The following NRP1 variants were observed in gnomAD, a reference collection of about 807,000 sequenced individuals.
The protein encoded by NRP1 is neuropilin 1.
A neutral mutation model predicts 106.7 loss-of-function variants in NRP1; 35 were observed. The ratio of observed to expected loss-of-function variants is 0.33; its 90% confidence interval spans 0.25 to 0.43. NRP1 has a LOEUF of 0.43. Among genes scored for constraint, NRP1 ranks in the 20% least tolerant of loss-of-function variants. The pLI is 1.00. For synonymous variants in NRP1, 437 were observed against 417.9 expected, an observed-to-expected ratio of 1.05 and a Z score of -0.56; for missense variants, 1,024 against 1,170.4, an observed-to-expected ratio of 0.87 and a Z score of 1.83.
chr10:33,215,716 A>T (rs972025578), intron 8 of NRP1, among the ~76,000 whole-genome samples: 9 of 152,218 alleles, frequency 5.9e-5, no homozygotes, highest in African/African-American at 2.2e-4. Context: ...TTATCAGCTG[A>T]ACCTTAAGAA....
chr10:33,189,101 C>T (rs1026458063), intron 13 of NRP1, among the ~76,000 whole-genome samples: 19 of 150,930 alleles, frequency 1.3e-4, no homozygotes, highest in Non-Finnish European at 2.8e-4. Context: ...GCATCACCAA[C>T]TTAAGGTATA....
chr10:33,211,444 C>G (rs958184415), intron 9 of NRP1: 20 of 152,170 alleles, frequency 1.3e-4, no homozygotes, highest in African/African-American at 4.8e-4. Context: ...TTTCTTCCCC[C>G]CAAACAAGGC....
At chr10:33,264,572 C>T (rs1022453607) in intron 3 of NRP1, among the ~76,000 whole-genome samples, 14 of 152,176 alleles carry the variant, frequency 9.2e-5, no homozygotes, top group African/African-American at 1.7e-4. Flanking sequence ...CAGTATAGTA[C>T]GCCATTCTAA....
At chr10:33,212,910 A>G (rs1838423123) in intron 9 of NRP1, 1 of 308,924 alleles carries the variant, frequency 3.2e-6, no homozygotes, top group African/African-American at 2.1e-5. Context: ...AGCTCAGACA[A>G]TCCGCCCGAC....
At chr10:33,299,319 G>A (rs960745426) in intron 2 of NRP1, among the ~76,000 whole-genome samples, 3 of 152,062 alleles carry the variant, frequency 2.0e-5, no homozygotes, top group Admixed American at 6.6e-5. Context: ...AGCACTGCAG[G>A]CTGAGCACAA....
intron 2 of NRP1, among the ~76,000 whole-genome samples, chr10:33,291,479 A>G (rs540239639): frequency 2.6e-5 from 4 of 152,250 alleles, no homozygotes; most frequent in Non-Finnish European, 5.9e-5. Context: ...GGCAAGAAAA[A>G]GAAAGCCACT....
chr10:33,286,863 G>A (rs190994199), intron 2 of NRP1, among the ~76,000 whole-genome samples: 10 of 151,928 alleles, frequency 6.6e-5, no homozygotes, highest in East Asian at 3.9e-4. Context: ...ACATTTTTGC[G>A]TGTGTGTAAT....
intron 2 of NRP1, among the ~76,000 whole-genome samples, chr10:33,324,645 CT>C (rs1229106217): frequency 6.6e-6 from 1 of 151,084 alleles, no homozygotes; most frequent in East Asian, 1.9e-4. Flanking sequence ...CCACAGGCTT[CT>C]TTTTTTTGAG....
chr10:33,203,335 CAG>C (rs1837493313), intron 10 of NRP1, among the ~76,000 whole-genome samples: 1 of 152,214 alleles, frequency 6.6e-6, no homozygotes, highest in Non-Finnish European at 1.5e-5. Context: ...ACTTTGAAGA[CAG>C]AGATTTTGCT....
At chr10:33,297,817 A>C (rs996991101) in intron 2 of NRP1, among the ~76,000 whole-genome samples, 1 of 152,082 alleles carries the variant, frequency 6.6e-6, no homozygotes, top group Non-Finnish European at 1.5e-5. Context: ...AGAGGAAGGA[A>C]CAGAGGCTGT....
chr10:33,290,064 C>A (rs1815910942), intron 2 of NRP1, among the ~76,000 whole-genome samples: 1 of 152,094 alleles, frequency 6.6e-6, no homozygotes, highest in East Asian at 1.9e-4. Context: ...AGGTTTTGTT[C>A]TTTTATTTCT....
At chr10:33,207,455 T>C in intron 10 of NRP1, 117 bp downstream of exon 10, 2 of 1,082,366 alleles carry the variant, frequency 1.8e-6, no homozygotes, top group Non-Finnish European at 2.7e-6. Flanking sequence ...GGCACCGAGA[T>C]AAGGGGCCTC....
intron 13 of NRP1, among the ~76,000 whole-genome samples, chr10:33,189,383 G>A (rs1418540477): frequency 2.6e-5 from 4 of 152,176 alleles, no homozygotes; most frequent in African/African-American, 9.7e-5. Flanking sequence ...CTGAGACAGG[G>A]CTGCTTTCCT....
chr10:33,252,844 A>G (rs1288308334), intron 6 of NRP1, among the ~76,000 whole-genome samples: 1 of 152,240 alleles, frequency 6.6e-6, no homozygotes, highest in Non-Finnish European at 1.5e-5. Context: ...GTTGGAGGTT[A>G]GCGTGAGTTC....
Position 33,264,886 on chromosome 10 carries a change from A to G in NRP1, c.431-1013T>C, listed in dbSNP as rs572008988. Among the ~76,000 whole-genome samples, 14 of 152,252 alleles carry G rather than the reference A, an allele frequency of 9.2e-5. No individual in the cohort carries two copies. In the South Asian group the frequency reaches 2.9e-3, roughly 32 times the overall value. ...CACTTTGGGAGGCTGAGGTGGGCGGATCACCTGAGGTCAGGAGTTCGAGAC... is the reference window on the plus strand; with the variant it reads ...CACTTTGGGAGGCTGAGGTGGGCGGGTCACCTGAGGTCAGGAGTTCGAGAC... On this transcript the variant is annotated intron_variant, in intron 3 of 16. Transcript: ENST00000374867.
chr10:33,218,934 C>G (rs988062510), intron 8 of NRP1, among the ~76,000 whole-genome samples: 1 of 152,166 alleles, frequency 6.6e-6, no homozygotes, highest in Non-Finnish European at 1.5e-5. Flanking sequence ...ATGAGGCAAA[C>G]AGGTCCCCTG....
chr10:33,292,411 A>C (rs1476129950), intron 2 of NRP1, among the ~76,000 whole-genome samples: 1 of 152,152 alleles, frequency 6.6e-6, no homozygotes, highest in Admixed American at 6.5e-5. Flanking sequence ...ATATTTTTTT[A>C]CATAAACAAA....
At chr10:33,221,619 C>A in intron 8 of NRP1, 100 bp downstream of exon 8, 1 of 1,247,394 alleles carries the variant, frequency 8.0e-7, no homozygotes, top group Non-Finnish European at 1.1e-6. Flanking sequence ...AAAATGATTG[C>A]ATTTACAAAC....
At chr10:33,233,162 G>A in intron 6 of NRP1, among the ~76,000 whole-genome samples, 1 of 152,098 alleles carries the variant, frequency 6.6e-6, no homozygotes, top group South Asian at 2.1e-4. Context: ...CTTTCCTTCT[G>A]GGTGGGGAAA....
Sources: gnomAD v4.1 joint callset for allele counts (sites outside exome capture counted in the v4.1 genomes callset) on GRCh38, gnomAD v4.1.1 for gene constraint, MANE v1.5 for transcripts, NCBI Gene and HGNC (gene_info 2026-07-23, HGNC 2026-07-21) for gene names.